The following CNTNAP2 variants were observed in gnomAD, a reference collection of about 807,000 sequenced individuals.
The protein encoded by CNTNAP2 is contactin associated protein 2, also known as contactin-associated protein-like 2.
In CNTNAP2, 98 loss-of-function variants were observed where a neutral mutation model predicts 155.2. The observed-to-expected ratio is 0.63, with a 90% confidence interval of 0.54 to 0.75. The LOEUF is 0.75. Ranked by LOEUF, CNTNAP2 falls within the 30% of genes least tolerant of loss-of-function variation. The probability of loss-of-function intolerance (pLI) is 0.00; values close to 1 mark genes in which losing one functional copy is unlikely to be tolerated. For synonymous variants in CNTNAP2, 651 were observed against 631.2 expected, an observed-to-expected ratio of 1.03 and a Z score of -0.47; for missense variants, 1,727 against 1,688.1, an observed-to-expected ratio of 1.02 and a Z score of -0.40.
At chr7:147,290,917 G>A (rs184310380) in intron 8 of CNTNAP2, among the ~76,000 whole-genome samples, 6 of 152,260 alleles carry the variant, frequency 3.9e-5, no homozygotes, top group Admixed American at 1.3e-4. Context: ...ATTCACAAAT[G>A]TTGAATCTGC....
chr7:147,115,969 G>T (rs1800979255), intron 5 of CNTNAP2, among the ~76,000 whole-genome samples: 1 of 152,136 alleles, frequency 6.6e-6, no homozygotes, highest in African/African-American at 2.4e-5. Context: ...AATGTTTGAA[G>T]TTGCTGATTT....
At chr7:146,142,249 G>T (rs1289674538) in intron 1 of CNTNAP2, among the ~76,000 whole-genome samples, 1 of 152,118 alleles carries the variant, frequency 6.6e-6, no homozygotes, top group African/African-American at 2.4e-5. Context: ...AAAGTTCAGG[G>T]GTTAGTGAAG....
intron 13 of CNTNAP2, among the ~76,000 whole-genome samples, chr7:147,881,708 C>A (rs11975355): frequency 6.6e-6 from 1 of 152,150 alleles, no homozygotes. Context: ...CCGTGGCTCA[C>A]GCCTGTAATC....
Position 147,062,519 on chromosome 7 carries a change from T to C in CNTNAP2, c.550+18465T>C, listed in dbSNP as rs536942789. Among the ~76,000 whole-genome samples the C allele has an allele frequency of 4.6e-5, 7 of 152,262 alleles. No individual in the cohort carries two copies. The South Asian group carries it at 1.5e-3, about 32-fold the overall frequency. On this transcript the variant is annotated intron_variant, in intron 4 of 23. Coordinates refer to ENST00000361727, the MANE Select transcript of CNTNAP2 (RefSeq NM_014141.6). ...TTTAAAGACAAAATAAATGCCACGT[T>C]TACTAAATGGGTATATTTGAGATGA...
At chr7:147,365,455 CTG>C (rs1054748629) in intron 9 of CNTNAP2, among the ~76,000 whole-genome samples, 1 of 143,232 alleles carries the variant, frequency 7.0e-6, no homozygotes, top group African/African-American at 2.6e-5. Flanking sequence ...CCTATTGTTT[CTG>C]GCTATTGTCA....
At chr7:146,366,347 T>C (rs1795155169) in intron 1 of CNTNAP2, among the ~76,000 whole-genome samples, 1 of 152,146 alleles carries the variant, frequency 6.6e-6, no homozygotes, top group Non-Finnish European at 1.5e-5. Flanking sequence ...ATAATAACAT[T>C]TTTCTAATCA....
intron 1 of CNTNAP2, among the ~76,000 whole-genome samples, chr7:146,244,576 G>A (rs1799615276): frequency 6.6e-6 from 1 of 152,166 alleles, no homozygotes; most frequent in South Asian, 2.1e-4. Context: ...GCTGAGCTTG[G>A]TGAGGTGTGT....
At chr7:147,405,879 T>G (rs921327385) in intron 10 of CNTNAP2, among the ~76,000 whole-genome samples, 1 of 152,098 alleles carries the variant, frequency 6.6e-6, no homozygotes, top group African/African-American at 2.4e-5. Flanking sequence ...GGAAATGGTT[T>G]GATAAAAAGG....
At chr7:146,562,720 A>G (rs937108773) in intron 1 of CNTNAP2, among the ~76,000 whole-genome samples, 1 of 152,198 alleles carries the variant, frequency 6.6e-6, no homozygotes, top group Non-Finnish European at 1.5e-5. Flanking sequence ...GAAACAAAAA[A>G]TACAGTTTCC....
At chr7:146,816,788 C>G (rs1803179519) in intron 2 of CNTNAP2, among the ~76,000 whole-genome samples, 1 of 152,158 alleles carries the variant, frequency 6.6e-6, no homozygotes, top group African/African-American at 2.4e-5. Flanking sequence ...GCTTTTCTTA[C>G]TATCCATGTG....
intron 8 of CNTNAP2, among the ~76,000 whole-genome samples, chr7:147,150,971 A>G (rs1801813719): frequency 6.6e-6 from 1 of 152,196 alleles, no homozygotes; most frequent in Non-Finnish European, 1.5e-5. Context: ...GAAAGCTCAG[A>G]ACTAACATCG....
At chr7:146,857,870 A>G (rs989694689) in intron 3 of CNTNAP2, among the ~76,000 whole-genome samples, 3 of 152,208 alleles carry the variant, frequency 2.0e-5, no homozygotes, top group Admixed American at 1.3e-4. Context: ...TAAACTGTGG[A>G]ATCATATTTG....
chr7:146,393,680 G>A (rs1405783163), intron 1 of CNTNAP2, among the ~76,000 whole-genome samples: 1 of 152,084 alleles, frequency 6.6e-6, no homozygotes, highest in African/African-American at 2.4e-5. Context: ...GTTATCTCTC[G>A]ATACTTGCTT....
At chr7:148,017,766 G>A (rs1364709286) in intron 15 of CNTNAP2, among the ~76,000 whole-genome samples, 1 of 152,176 alleles carries the variant, frequency 6.6e-6, no homozygotes, top group Non-Finnish European at 1.5e-5. Flanking sequence ...ACTGATAGTG[G>A]TATATTACAT....
chr7:148,108,122 C>T (rs1804263482), intron 15 of CNTNAP2, among the ~76,000 whole-genome samples: 2 of 152,206 alleles, frequency 1.3e-5, no homozygotes, highest in Admixed American at 6.5e-5. Context: ...CAGGGGCAGG[C>T]ACACCAGGCA....
rs117771296 is a variant in CNTNAP2, at chr7:148,373,470, C to A, written c.3476-10179C>A. On this transcript the variant is annotated intron_variant, in intron 21 of 23. Coordinates refer to ENST00000361727, the MANE Select transcript of CNTNAP2 (RefSeq NM_014141.6). Reference sequence around the variant, plus strand: ...ACTCAGTCTCAAAAAACAACAACAACAAAAAAGAAGTATACTCTAAAATAA... The same window carrying A: ...ACTCAGTCTCAAAAAACAACAACAAAAAAAAAGAAGTATACTCTAAAATAA... Among the ~76,000 whole-genome samples, 1,109 of 152,072 alleles carry A rather than the reference C, an allele frequency of 7.3e-3. 7 individuals are homozygous for A. Among genetic ancestry groups the A allele is most frequent in the Admixed American group, 0.017 (257 of 15,278 alleles).
rs147208938 is a variant in CNTNAP2 at position 146,258,049 on chromosome 7, G to A, written c.97+141076G>A. Among the ~76,000 whole-genome samples, 4 of 151,980 alleles carry A rather than the reference G, an allele frequency of 2.6e-5. No homozygotes were observed. In the South Asian group the frequency reaches 8.3e-4, roughly 32 times the overall value. ...GGGATTATAGGTGTGCACCACCATT[G>A]CCTGACTAATTTTTGTATTTTCAGT... is the stretch of plus-strand genomic sequence containing the variant. On this transcript the variant is annotated intron_variant, in intron 1 of 23. Coordinates refer to ENST00000361727, the MANE Select transcript of CNTNAP2 (RefSeq NM_014141.6).
chr7:147,679,618 G>T (rs966180169), intron 13 of CNTNAP2, among the ~76,000 whole-genome samples: 3 of 151,790 alleles, frequency 2.0e-5, no homozygotes, highest in African/African-American at 7.3e-5. Context: ...CTGATTTTTG[G>T]TCTGAGTCTA....
At chr7:147,647,327 G>A (rs1211759378) in intron 13 of CNTNAP2, among the ~76,000 whole-genome samples, 1 of 151,214 alleles carries the variant, frequency 6.6e-6, no homozygotes, top group Non-Finnish European at 1.5e-5. Context: ...TTTAACGAGG[G>A]TCAGAGATAA....
Sources: allele counts gnomAD v4.1 joint callset (sites outside exome capture counted in the v4.1 genomes callset), GRCh38; gene constraint gnomAD v4.1.1; transcripts MANE v1.5; gene names NCBI Gene and HGNC (gene_info 2026-07-23, HGNC 2026-07-21).